PRELID2: variants seen among roughly 807,000 people sequenced by gnomAD.
PRELID2 encodes PRELI domain containing 2, also known as PRELI domain-containing protein 2.
PRELID2 carries 25 observed loss-of-function variants against 28.4 expected under a neutral mutation model. That is an observed-to-expected ratio of 0.88 (90% CI 0.64 to 1.23). The LOEUF (loss-of-function observed/expected upper bound fraction) is 1.23, where lower values mean the gene tolerates loss of function less well. Among genes scored for constraint, PRELID2 ranks in the 50% most tolerant of loss-of-function variants. PRELID2 has a pLI of 0.00. For synonymous variants in PRELID2, 76 were observed against 71.6 expected (o/e 1.06, Z -0.31); for missense variants, 201 against 214.4 (o/e 0.94, Z 0.39).
chr5:145,281,168 A>G, the PRELID2 span, among the ~76,000 whole-genome samples: 1 of 152,146 alleles, frequency 6.6e-6, no homozygotes, highest in Non-Finnish European at 1.5e-5. Context: ...CTTTCTTCTT[A>G]GCAATCCAAT....
the PRELID2 span, among the ~76,000 whole-genome samples, chr5:145,422,707 T>A: frequency 6.6e-6 from 1 of 152,164 alleles, no homozygotes; most frequent in Non-Finnish European, 1.5e-5. Flanking sequence ...AGTGTGTGTC[T>A]TTTAATTGGA....
chr5:145,486,425 C>T (rs1752217705), intron 1 of PRELID2, among the ~76,000 whole-genome samples: 1 of 152,076 alleles, frequency 6.6e-6, no homozygotes, highest in Non-Finnish European at 1.5e-5. Context: ...GAGGCTATTC[C>T]TCAGAAACAC....
In PRELID2 at chr5:145,652,882, T is replaced by C. The variant is rs183796482; in HGVS notation, n.70+112049A>G. ...ACCAGCTATCATCATAATGACAGGATCAAATTCACACATAACGATATTAAC... is the reference window on the plus strand; with the variant it reads ...ACCAGCTATCATCATAATGACAGGACCAAATTCACACATAACGATATTAAC... On this transcript the variant is annotated intron_variant and non_coding_transcript_variant, in intron 1 of 2. Transcript: ENST00000510259. Among the ~76,000 whole-genome samples, 1,096 of 152,228 alleles carry C rather than the reference T, an allele frequency of 7.2e-3. 9 individuals are homozygous for C. Among genetic ancestry groups the C allele is most frequent in the Non-Finnish European group, 0.011 (770 of 67,998 alleles).
At chr5:145,834,334 T>C (rs1201996063) in intron 1 of PRELID2, among the ~76,000 whole-genome samples, 1 of 149,200 alleles carries the variant, frequency 6.7e-6, no homozygotes, top group Non-Finnish European at 1.5e-5. Flanking sequence ...GTTAAAGGCA[T>C]TTTGTTCCTG....
chr5:145,446,331 A>T, the PRELID2 span, among the ~76,000 whole-genome samples: 8 of 152,238 alleles, frequency 5.3e-5, 2 homozygotes, highest in African/African-American at 1.9e-4. Flanking sequence ...AGAGCTATAA[A>T]GACAATTATG....
At position 145,733,155 on chromosome 5, in the gene PRELID2, G is replaced by T. The variant is rs114463678; in HGVS notation, n.70+31776C>A. Reference sequence around the variant, plus strand: ...CTGTAGTCCCAGCTACTCGCTACTCGAGAGGCTGAGGTGGGAGGATCACTT... The same window carrying T: ...CTGTAGTCCCAGCTACTCGCTACTCTAGAGGCTGAGGTGGGAGGATCACTT... On this transcript the variant is annotated intron_variant and non_coding_transcript_variant, in intron 1 of 2. Transcript: ENST00000510259. Among the ~76,000 whole-genome samples, 976 of 152,008 alleles carry T rather than the reference G, an allele frequency of 6.4e-3. 7 individuals carry two copies. The highest frequency in any genetic ancestry group is 0.022 in the African/African-American group (912 of 41,460).
chr5:145,587,505 G>C (rs1402517756), intron 1 of PRELID2, among the ~76,000 whole-genome samples: 1 of 152,114 alleles, frequency 6.6e-6, no homozygotes, highest in Non-Finnish European at 1.5e-5. Context: ...ATAAAATTCA[G>C]CTCTAACTTT....
At chr5:145,625,548 A>C (rs1398879331) in intron 1 of PRELID2, among the ~76,000 whole-genome samples, 1 of 152,154 alleles carries the variant, frequency 6.6e-6, no homozygotes, top group Non-Finnish European at 1.5e-5. Flanking sequence ...ATTTTTTTAA[A>C]TTCCAATAAA....
intron 1 of PRELID2, among the ~76,000 whole-genome samples, chr5:145,658,598 A>ACT (rs1382489948): frequency 6.6e-6 from 1 of 151,128 alleles, no homozygotes; most frequent in Non-Finnish European, 1.5e-5. Context: ...CCTCTCTCTC[A>ACT]CTCTCTCTCT....
intron 1 of PRELID2, among the ~76,000 whole-genome samples, chr5:145,739,771 A>G (rs6877099): frequency 0.04 from 6,144 of 152,088 alleles, 208 homozygotes; most frequent in African/African-American, 0.084. Flanking sequence ...CCATATCCAT[A>G]GGCTGTTTAA....
At chr5:145,541,115 CTGTT>C (rs1752741203) in intron 1 of PRELID2, among the ~76,000 whole-genome samples, 1 of 151,908 alleles carries the variant, frequency 6.6e-6, no homozygotes, top group Non-Finnish European at 1.5e-5. Context: ...CTCTCCATTT[CTGTT>C]TGTTAAAATT....
chr5:145,343,527 G>A, the PRELID2 span, among the ~76,000 whole-genome samples: 3 of 151,292 alleles, frequency 2.0e-5, no homozygotes, highest in African/African-American at 4.8e-5. Flanking sequence ...GTAGTACTGA[G>A]GGAAATTTAT....
At chr5:145,418,653 T>A in the PRELID2 span, among the ~76,000 whole-genome samples, 1 of 152,206 alleles carries the variant, frequency 6.6e-6, no homozygotes, top group African/African-American at 2.4e-5. Flanking sequence ...GAATTCCCTA[T>A]GCAATAAATG....
the PRELID2 span, among the ~76,000 whole-genome samples, chr5:145,387,936 C>T: frequency 0.015 from 1,644 of 111,042 alleles, 38 homozygotes; most frequent in African/African-American, 0.051. Context: ...AAGACAGAAC[C>T]AAAAAAAAAA....
intron 1 of PRELID2, among the ~76,000 whole-genome samples, chr5:145,702,074 C>T (rs1437691579): frequency 3.3e-5 from 5 of 151,458 alleles, no homozygotes; most frequent in Admixed American, 6.6e-5. Flanking sequence ...TATATATATA[C>T]ACACACACAC....
At chr5:145,833,167 C>T (rs190759896) in intron 1 of PRELID2, among the ~76,000 whole-genome samples, 31 of 152,236 alleles carry the variant, frequency 2.0e-4, no homozygotes, top group South Asian at 1.0e-3. Context: ...CCAGGACCTC[C>T]GTAAATAAGA....
At chr5:145,771,718 G>A (rs1037280216) in intron 5 of PRELID2, among the ~76,000 whole-genome samples, 1 of 152,104 alleles carries the variant, frequency 6.6e-6, no homozygotes, top group African/African-American at 2.4e-5. Context: ...AGCTGGGTGT[G>A]GTGACGCATG....
chr5:145,390,512 A>AT, the PRELID2 span, among the ~76,000 whole-genome samples: 1 of 152,184 alleles, frequency 6.6e-6, no homozygotes, highest in Non-Finnish European at 1.5e-5. Flanking sequence ...TGAGAACAGC[A>AT]TAAGGGTAAC....
chr5:145,547,879 T>A (rs1169369819), intron 1 of PRELID2, among the ~76,000 whole-genome samples: 1 of 152,236 alleles, frequency 6.6e-6, no homozygotes, highest in Non-Finnish European at 1.5e-5. Context: ...AATGTTCTTT[T>A]CTTTTTCAAG....
Sources: gnomAD v4.1 joint callset for allele counts (sites outside exome capture counted in the v4.1 genomes callset) on GRCh38, gnomAD v4.1.1 for gene constraint, MANE v1.5 for transcripts, NCBI Gene and HGNC (gene_info 2026-07-23, HGNC 2026-07-21) for gene names.